Variants in MCM8 observed in about 807,000 individuals in gnomAD.
The protein encoded by MCM8 is minichromosome maintenance 8 homologous recombination repair factor.
In MCM8, 85 loss-of-function variants were observed where a neutral mutation model predicts 98.9. The observed-to-expected ratio is 0.86, with a 90% CI of 0.72 to 1.03. The LOEUF is 1.03. MCM8 is among the 50% of genes least tolerant of loss of function. The pLI is 0.00. For missense variants in MCM8, 951 were observed against 997.8 expected (o/e 0.95, Z 0.63); for synonymous variants, 352 against 338.6 (o/e 1.04, Z -0.44).
At chr20:5,984,712 G>C in intron 14 of MCM8, 69 bp from the exon 15 acceptor site, 1 of 1,288,514 alleles carries the variant, frequency 7.8e-7, no homozygotes, top group Non-Finnish European at 1.1e-6. Context: ...GTAAATAAGT[G>C]AGTAGACAGT....
At chr20:5,978,123 A>G in intron 13 of MCM8, 106 bp downstream of exon 13, 3 of 1,323,954 alleles carry the variant, frequency 2.3e-6, no homozygotes, top group South Asian at 1.4e-5. Context: ...TTTAGATAGC[A>G]AAGTCCTAAC....
chr20:5,982,873 A>G (rs1007623756), intron 13 of MCM8, 97 bp from the exon 14 acceptor site: 14 of 1,021,814 alleles, frequency 1.4e-5, no homozygotes, highest in Non-Finnish European at 2.0e-5. Flanking sequence ...GCTGAAACAA[A>G]TGGAAATAAT....
intron 17 of MCM8, among the ~76,000 whole-genome samples, chr20:5,988,021 A>G (rs536155245): frequency 7.0e-4 from 106 of 152,354 alleles, no homozygotes; most frequent in South Asian, 2.3e-3. Flanking sequence ...TAGAAGGTAG[A>G]AAAGAAAAAT....
chr20:5,994,255 G>T, intron 18 of MCM8, 44 bp from the exon 19 acceptor site: 1 of 1,099,786 alleles, frequency 9.1e-7, no homozygotes, highest in South Asian at 1.5e-5. Flanking sequence ...GTAATATTTT[G>T]ACATGTTACT....
intron 12 of MCM8, among the ~76,000 whole-genome samples, chr20:5,975,070 G>C (rs115702837): frequency 0.018 from 2,777 of 152,178 alleles, 78 homozygotes; most frequent in African/African-American, 0.063. Flanking sequence ...ACCAGCCTGT[G>C]CAACAAAGTG....
In MCM8 at chr20:5,986,201, A is replaced by G. The variant is rs1166499109; in HGVS notation, c.2163+70A>G. On this transcript the variant is annotated intron_variant, in intron 16 of 18. Coordinates refer to ENST00000610722, the MANE Select transcript of MCM8 (RefSeq NM_032485.6). Reference sequence around the variant, plus strand: ...AGGGTGTGCCTTGACTTCTCTTTTGAAGTATTTTCTGCATAATTGACTCCA... The same window carrying G: ...AGGGTGTGCCTTGACTTCTCTTTTGGAGTATTTTCTGCATAATTGACTCCA... The G allele has an allele frequency of 2.1e-6, 3 of 1,398,600 alleles. No individual in the cohort carries two copies. The African/African-American group carries it at 4.3e-5, about 20-fold the overall frequency. 86.6% of individuals were successfully genotyped at this position (1,398,600 alleles called of 1,614,324 possible).
chr20:5,994,158 A>C (rs966934045), intron 18 of MCM8, 141 bp from the exon 19 acceptor site: 3 of 485,356 alleles, frequency 6.2e-6, no homozygotes, highest in African/African-American at 6.0e-5. Context: ...AAATATAGGC[A>C]GTTTGCTCTG....
intron 13 of MCM8, 95 bp downstream of exon 13, chr20:5,978,112 A>G (rs1600286152): frequency 2.1e-6 from 3 of 1,422,130 alleles, no homozygotes; most frequent in East Asian, 2.3e-5. Context: ...TAAGAGAAAC[A>G]TTTAGATAGC....
At chr20:5,964,649 A>G (rs916570653) in intron 8 of MCM8, 5 of 152,048 alleles carry the variant, frequency 3.3e-5, no homozygotes, top group African/African-American at 1.2e-4. Flanking sequence ...GACTCATCTT[A>G]AAAAAGTGGG....
At chr20:5,963,058 T>A (rs894034180) in intron 7 of MCM8, among the ~76,000 whole-genome samples, 1 of 152,088 alleles carries the variant, frequency 6.6e-6, no homozygotes, top group South Asian at 2.1e-4. Context: ...GAACAGTAAG[T>A]GAGAAGGATC....
At chr20:5,987,146 T>C (rs2089750442) in intron 16 of MCM8, 136 bp from the exon 17 acceptor site, 1 of 763,710 alleles carries the variant, frequency 1.3e-6, no homozygotes, top group East Asian at 2.8e-5. Flanking sequence ...ACTTCCATAT[T>C]TTGACTTTTG....
chr20:5,991,361 A>G (rs2089848237), intron 17 of MCM8: 1 of 152,344 alleles, frequency 6.6e-6, no homozygotes, highest in South Asian at 2.1e-4. Flanking sequence ...TTCCTGTCCA[A>G]GAGGAACTCT....
rs764998830 is a variant in MCM8 at position 5,963,302 on chromosome 20, C to G, written c.818C>G (p.Ser273Ter). 2 of 1,613,988 alleles carry G rather than the reference C, an allele frequency of 1.2e-6. No homozygotes were observed. The highest frequency in any genetic ancestry group is 1.6e-4 in the Middle Eastern group (1 of 6,062). ...KCPVPVCRGR[S>*]FTALRSSPLT... ...CCTGTGCCTGTGTGTCGAGGCAGGT[C>G]ATTTACTGCTCTCCGCAGCTCTCCT... Residue 273 changes from serine to a stop codon, truncating the protein, a stop_gained, in exon 8 of 19, where the codon TCA becomes TGA. Coordinates refer to ENST00000610722, the MANE Select transcript of MCM8 (RefSeq NM_032485.6). LOFTEE classifies it high-confidence loss of function.
At position 5,985,953 on chromosome 20, in the gene MCM8, C is replaced by T. The variant is rs1229862264; in HGVS notation, c.1985C>T (p.Pro662Leu). 6.2e-7 allele frequency: 1 copy of T among 1,614,186 alleles called. No homozygotes were observed. Among genetic ancestry groups the T allele is most frequent in the Non-Finnish European group, 8.5e-7 (1 of 1,180,032 alleles). Residue 662 changes from proline (P) to leucine (L), a missense_variant, in exon 16 of 19, where the codon CCC becomes CTC. Coordinates refer to ENST00000610722, the MANE Select transcript of MCM8 (RefSeq NM_032485.6). ...CCTGGAGAAACAATAGATCCCATTC[C>T]CCACCAGCTATTGAGAAAGTACATT... The part of the protein sequence containing the change: ...VVPGETIDPI[P>L]HQLLRKYIGY...
In MCM8 at chr20:5,985,002, T is replaced by A; in HGVS notation, c.1953+2T>A. ...AAGCCATTATCAGAAAGACTAAAGGTATAAATGTTTCTTCTCCTTATTCAG... is the reference window on the plus strand; with the variant it reads ...AAGCCATTATCAGAAAGACTAAAGGAATAAATGTTTCTTCTCCTTATTCAG... On this transcript the variant is annotated splice_donor_variant, in intron 15 of 18. Coordinates refer to ENST00000610722, the MANE Select transcript of MCM8 (RefSeq NM_032485.6). LOFTEE classifies it high-confidence loss of function. 1 of 1,608,806 alleles carries A rather than the reference T, an allele frequency of 6.2e-7. No homozygotes were observed. The highest frequency in any genetic ancestry group is 2.2e-5 in the East Asian group (1 of 44,836).
chr20:5,984,318 C>T (rs1203715669), intron 14 of MCM8, among the ~76,000 whole-genome samples: 1 of 152,036 alleles, frequency 6.6e-6, no homozygotes, highest in African/African-American at 2.4e-5. Context: ...AGGGTATTTA[C>T]CACCACCACC....
At chr20:5,989,423 G>A (rs2089801108) in intron 17 of MCM8, among the ~76,000 whole-genome samples, 1 of 151,994 alleles carries the variant, frequency 6.6e-6, no homozygotes, top group Admixed American at 6.6e-5. Flanking sequence ...GCCTGATAGT[G>A]TAAGTTTTGT....
rs1352624259 is a variant in MCM8, at chr20:5,998,464, C to G, written c.*4073C>G. 1.3e-5 allele frequency: 2 copies of G among 152,260 alleles called. No homozygotes were observed. Among genetic ancestry groups the G allele is most frequent in the African/African-American group, 4.8e-5 (2 of 41,456 alleles). 9.4% of individuals were successfully genotyped at this position (152,260 alleles called of 1,614,324 possible). On this transcript the variant is annotated 3_prime_UTR_variant, in exon 19 of 19. Transcript: ENST00000610722. The stretch of plus-strand genomic sequence containing the variant: ...TAATTTCCCTGCAGCAGAATTCTTG[C>G]AGTCAGTTGTTGAGGCAAGTGGCGT...
chr20:5,958,493 A>T, intron 6 of MCM8, 35 bp from the exon 7 acceptor site: 2 of 1,546,110 alleles, frequency 1.3e-6, no homozygotes, highest in Non-Finnish European at 1.8e-6. Context: ...AAAAAACATC[A>T]ATTTTCTGTT....
Sources: gnomAD v4.1 joint callset for allele counts (sites outside exome capture counted in the v4.1 genomes callset) on GRCh38, gnomAD v4.1.1 for gene constraint, MANE v1.5 for transcripts, NCBI Gene and HGNC (gene_info 2026-07-23, HGNC 2026-07-21) for gene names.